The following ALK variants were observed in gnomAD, a reference collection of about 807,000 sequenced individuals.
ALK encodes ALK receptor tyrosine kinase.
ALK carries 74 observed loss-of-function variants against 163.1 expected under a neutral mutation model. The ratio of observed to expected loss-of-function variants is 0.45; its 90% CI spans 0.38 to 0.55. ALK has a LOEUF of 0.55. ALK is among the 20% of genes least tolerant of loss of function. ALK has a pLI of 0.00. For missense variants in ALK, 2,063 were observed against 2,105.3 expected, an observed-to-expected ratio of 0.98 and a Z score of 0.39; for synonymous variants, 960 against 843.2, an observed-to-expected ratio of 1.14 and a Z score of -2.40.
intron 26 of ALK, among the ~76,000 whole-genome samples, chr2:29,198,204 G>C (rs914325903): frequency 1.3e-5 from 2 of 151,802 alleles, no homozygotes; most frequent in African/African-American, 2.4e-5. Flanking sequence ...CCAGCCAGCT[G>C]ATTTCATAGT....
At chr2:29,873,334 G>A (rs535429350) in intron 1 of ALK, among the ~76,000 whole-genome samples, 22 of 152,322 alleles carry the variant, frequency 1.4e-4, no homozygotes, top group Non-Finnish European at 8.8e-5. Flanking sequence ...GGTGGAGGAA[G>A]CGGCTGCAGA....
chr2:29,893,602 C>A (rs1447188897), intron 1 of ALK, among the ~76,000 whole-genome samples: 1 of 152,122 alleles, frequency 6.6e-6, no homozygotes, highest in Non-Finnish European at 1.5e-5. Flanking sequence ...GCTTGGCAAC[C>A]AAACACCAAG....
chr2:29,651,095 C>A (rs1677023874), intron 3 of ALK, among the ~76,000 whole-genome samples: 1 of 151,996 alleles, frequency 6.6e-6, no homozygotes, highest in Admixed American at 6.6e-5. Context: ...AATCTCAGCC[C>A]CCTCTATGAC....
At chr2:29,499,855 C>T (rs1292130604) in intron 4 of ALK, among the ~76,000 whole-genome samples, 1 of 152,134 alleles carries the variant, frequency 6.6e-6, no homozygotes, top group East Asian at 1.9e-4. Context: ...TTTCTCTTGT[C>T]ACCCTTGCCA....
rs192400129 is a variant in ALK, at chr2:29,601,293, G to A, written c.953-69177C>T. Among the ~76,000 whole-genome samples, 191 of 152,316 alleles carry A rather than the reference G, an allele frequency of 1.3e-3. No individual in the cohort carries two copies. In the Middle Eastern group the frequency reaches 0.017, roughly 14 times the overall value. On this transcript the variant is annotated intron_variant, in intron 3 of 28. Transcript: ENST00000389048. ...TAATACTTATCAAGACATTGGGCACGAGTTCTAGCTCCAGTCCTATTTAAT... is the reference window on the plus strand; with the variant it reads ...TAATACTTATCAAGACATTGGGCACAAGTTCTAGCTCCAGTCCTATTTAAT...
intron 7 of ALK, 114 bp from the exon 8 acceptor site, chr2:29,318,518 A>T (rs1483388757): frequency 5.1e-6 from 4 of 780,600 alleles, no homozygotes; most frequent in Non-Finnish European, 8.9e-6. Flanking sequence ...ATCTTTGAGG[A>T]AACAGGTTTC....
intron 1 of ALK, among the ~76,000 whole-genome samples, chr2:29,810,413 A>G (rs1664727276): frequency 6.9e-6 from 1 of 145,666 alleles, no homozygotes; most frequent in African/African-American, 2.6e-5. Flanking sequence ...CAAGAGCAAA[A>G]CTCCATCTCA....
chr2:29,710,466 C>T lies in ALK; in HGVS notation c.787+7112G>A, dbSNP rs145219500. 4.0e-3 allele frequency among the ~76,000 whole-genome samples: 610 copies of T among 151,358 alleles called. 6 individuals are homozygous for T. The highest frequency in any genetic ancestry group is 0.014 in the African/African-American group (578 of 41,182). On this transcript the variant is annotated intron_variant, in intron 2 of 28. Transcript: ENST00000389048. Reference sequence around the variant, plus strand: ...CCTGGATCTCCTCTGGGTCTTCAACCTCCAATCACCAGCTTCAACCTCAGT... The same window carrying T: ...CCTGGATCTCCTCTGGGTCTTCAACTTCCAATCACCAGCTTCAACCTCAGT...
chr2:29,764,484 G>A (rs147169457), intron 1 of ALK, among the ~76,000 whole-genome samples: 9 of 152,236 alleles, frequency 5.9e-5, no homozygotes, highest in East Asian at 1.9e-4. Flanking sequence ...AACATTTACC[G>A]GCACACCACT....
intron 1 of ALK, among the ~76,000 whole-genome samples, chr2:29,872,994 G>A (rs756699984): frequency 3.3e-5 from 5 of 152,126 alleles, no homozygotes; most frequent in African/African-American, 1.2e-4. Context: ...ATCTCTCCTC[G>A]GAAGAGTTCC....
chr2:29,584,265 T>C (rs1236002419), intron 3 of ALK, among the ~76,000 whole-genome samples: 1 of 152,230 alleles, frequency 6.6e-6, no homozygotes, highest in Non-Finnish European at 1.5e-5. Context: ...TCCTCATTTA[T>C]TACTTGTTAA....
intron 3 of ALK, among the ~76,000 whole-genome samples, chr2:29,596,436 C>A (rs1036892163): frequency 2.0e-5 from 3 of 152,240 alleles, no homozygotes; most frequent in Admixed American, 6.5e-5. Flanking sequence ...CTCTCTTTCC[C>A]CAAACCATCT....
intron 1 of ALK, among the ~76,000 whole-genome samples, chr2:29,752,578 G>A (rs1011078081): frequency 3.3e-5 from 5 of 151,792 alleles, no homozygotes; most frequent in African/African-American, 1.2e-4. Flanking sequence ...TCGATCTCCT[G>A]ACCTCGTGAT....
chr2:29,256,372 C>T (rs1361311380), intron 11 of ALK, among the ~76,000 whole-genome samples: 1 of 152,124 alleles, frequency 6.6e-6, no homozygotes, highest in Non-Finnish European at 1.5e-5. Context: ...ACTGCGCTTT[C>T]ACACATGCAG....
At chr2:29,212,215 T>C (rs767952328) in intron 24 of ALK, among the ~76,000 whole-genome samples, 21 of 152,220 alleles carry the variant, frequency 1.4e-4, no homozygotes, top group Admixed American at 2.0e-4. Context: ...TTAAAGCACA[T>C]GGACAAAGAT....
intron 4 of ALK, among the ~76,000 whole-genome samples, chr2:29,408,414 G>T (rs558666566): frequency 2.4e-4 from 36 of 152,126 alleles, no homozygotes; most frequent in African/African-American, 8.7e-4. Context: ...TATAAGGCCT[G>T]CCAGGAGCTC....
chr2:29,309,255 G>A (rs760335473), intron 8 of ALK, among the ~76,000 whole-genome samples: 1 of 152,164 alleles, frequency 6.6e-6, no homozygotes, highest in Admixed American at 6.5e-5. Flanking sequence ...TCTCAATGGG[G>A]TGTTCCCCCA....
At chr2:29,867,800 T>C (rs1666474922) in intron 1 of ALK, among the ~76,000 whole-genome samples, 1 of 152,224 alleles carries the variant, frequency 6.6e-6, no homozygotes, top group African/African-American at 2.4e-5. Flanking sequence ...TGGGATCCCC[T>C]ATATTTGACC....
intron 1 of ALK, among the ~76,000 whole-genome samples, chr2:29,794,808 A>C (rs1228499065): frequency 6.6e-6 from 1 of 152,170 alleles, no homozygotes; most frequent in Admixed American, 6.5e-5. Context: ...ATCACCAATC[A>C]CATATCACCA....
Sources: allele counts gnomAD v4.1 joint callset (sites outside exome capture counted in the v4.1 genomes callset), GRCh38; gene constraint gnomAD v4.1.1; transcripts MANE v1.5; gene names NCBI Gene and HGNC (gene_info 2026-07-23, HGNC 2026-07-21).